AVIL: variants seen among roughly 807,000 people sequenced by gnomAD.
AVIL encodes the protein advillin.
Under a neutral mutation model 109.9 loss-of-function variants are expected in AVIL, and 78 were observed. The observed-to-expected ratio is 0.71, with a 90% CI of 0.59 to 0.86. AVIL has a LOEUF of 0.86. Among genes scored for constraint, AVIL ranks in the 40% least tolerant of loss-of-function variants. The pLI, the probability that AVIL is intolerant of heterozygous loss-of-function variation, is 0.00. For synonymous variants in AVIL, 367 were observed against 379.1 expected, an observed-to-expected ratio of 0.97 and a Z score of 0.37; for missense variants, 892 against 1,016.5, an observed-to-expected ratio of 0.88 and a Z score of 1.67.
At chr12:57,810,762 T>G in intron 6 of AVIL, 54 bp downstream of exon 6, 1 of 1,560,638 alleles carries the variant, frequency 6.4e-7, no homozygotes, top group Non-Finnish European at 8.8e-7. Context: ...AGAGCCAGCA[T>G]GGAGGGAAGA....
chr12:57,808,320 CGAGT>C, intron 10 of AVIL, 26 bp from the exon 11 acceptor site: 1 of 1,614,048 alleles, frequency 6.2e-7, no homozygotes, highest in East Asian at 2.2e-5. Context: ...TGGGAAAAGC[CGAGT>C]GAGTAAGAAG....
chr12:57,808,421 C>G lies in AVIL; in HGVS notation c.1067G>C (p.Gly356Ala), dbSNP rs542383315. 4 of 1,614,144 alleles carry G rather than the reference C, an allele frequency of 2.5e-6. No individual in the cohort carries two copies. In the Admixed American group the frequency reaches 5.0e-5, roughly 20 times the overall value. Reference protein sequence around the residue: ...WSVKDQTMGLGKTFSIGKIAK... With the variant: ...WSVKDQTMGLAKTFSIGKIAK... ...AATTTTACCAATGCTGAACGTTTTC[C>G]CCAGGCCCATGGTCTGGTCCTTTAC... Residue 356 changes from glycine (G) to alanine (A), a missense_variant, in exon 10 of 20, where the codon GGG becomes GCG. Physicochemically the swap from Gly to Ala is moderately conservative, Grantham distance 60. Transcript: ENST00000549994.
chr12:57,803,504 G>A lies in AVIL; in HGVS notation c.1817+20C>T. 6.8e-6 allele frequency: 11 copies of A among 1,614,106 alleles called. No individual in the cohort carries two copies. The highest frequency in any genetic ancestry group is 9.3e-6 in the Non-Finnish European group (11 of 1,179,980). Reference sequence around the variant, plus strand: ...GCAGGCAGGGGGAGCCCAGAAGAGGGGGAGGCTGTGTTCCCATACCTTTTA... The same window carrying A: ...GCAGGCAGGGGGAGCCCAGAAGAGGAGGAGGCTGTGTTCCCATACCTTTTA... On this transcript the variant is annotated intron_variant, in intron 15 of 19. Coordinates refer to ENST00000549994, the MANE Select transcript of AVIL (RefSeq NM_006576.4).
intron 2 of AVIL, chr12:57,814,471 A>G (rs1956076859): frequency 2.0e-6 from 1 of 488,096 alleles, no homozygotes; most frequent in East Asian, 3.6e-5. Context: ...CCCTTGCCCT[A>G]TTCTCCACTC....
intron 11 of AVIL, 155 bp downstream of exon 11, chr12:57,808,039 T>A: frequency 1.1e-6 from 1 of 908,930 alleles, no homozygotes; most frequent in South Asian, 1.4e-5. Flanking sequence ...CCCTGAAAAC[T>A]CTACAGACTC....
intron 13 of AVIL, 143 bp from the exon 14 acceptor site, chr12:57,806,682 A>G (rs1437565572): frequency 9.5e-6 from 8 of 841,260 alleles, no homozygotes; most frequent in Non-Finnish European, 1.5e-5. Context: ...GGTCAGGGTA[A>G]GCTGGAGTTA....
intron 19 of AVIL, among the ~76,000 whole-genome samples, chr12:57,798,334 A>G (rs1955777212): frequency 6.6e-6 from 1 of 152,214 alleles, no homozygotes; most frequent in African/African-American, 2.4e-5. Context: ...AAATTGAGCT[A>G]TGGTTTTCCT....
Position 57,807,573 on chromosome 12 carries a change from G to A in AVIL, c.1332+17C>T. On this transcript the variant is annotated intron_variant, in intron 12 of 19. Coordinates refer to ENST00000549994, the MANE Select transcript of AVIL (RefSeq NM_006576.4). Reference sequence around the variant, plus strand: ...GGACACATCAGGATCCAAAGCTGAAGCCTGTGCCAGGCCTACCTGCCAGAT... The same window carrying A: ...GGACACATCAGGATCCAAAGCTGAAACCTGTGCCAGGCCTACCTGCCAGAT... 6.2e-7 allele frequency: 1 copy of A among 1,614,250 alleles called. No homozygotes were observed. The highest frequency in any genetic ancestry group is 8.5e-7 in the Non-Finnish European group (1 of 1,180,048).
chr12:57,807,925 A>T, intron 11 of AVIL, 198 bp from the exon 12 acceptor site: 1 of 865,054 alleles, frequency 1.2e-6, no homozygotes, highest in Non-Finnish European at 1.9e-6. Context: ...CATCCTGTTC[A>T]GGAGCATCCC....
At position 57,801,155 on chromosome 12, in the gene AVIL, G is replaced by T. The variant is rs780595972; in HGVS notation, c.2209C>A (p.Arg737=). 1.9e-6 allele frequency: 3 copies of T among 1,613,412 alleles called. No individual in the cohort carries two copies. Among genetic ancestry groups the T allele is most frequent in the Non-Finnish European group, 2.5e-6 (3 of 1,179,728 alleles). ...EELGDAAAIM[R]ITADMKNATL... is the part of the protein sequence containing the mutation. ...CGAACCCGACTCACAGCAGTGATTC[G>T]CATGATAGCAGCAGCATCTCCCAGC... Residue 737 remains arginine, a synonymous_variant, in exon 18 of 20, where the codon CGA becomes AGA. Transcript: ENST00000549994.
intron 9 of AVIL, chr12:57,808,812 G>A (rs189556000): frequency 4.5e-6 from 2 of 447,748 alleles, no homozygotes; most frequent in Admixed American, 4.0e-5. Flanking sequence ...TGTTCTTTCA[G>A]TACTTTTGTC....
At chr12:57,801,123 C>G (rs1004093367) in intron 18 of AVIL, 21 bp downstream of exon 18, 1 of 1,610,958 alleles carries the variant, frequency 6.2e-7, no homozygotes, top group African/African-American at 1.3e-5. Flanking sequence ...CTGGCTTCTC[C>G]CAAGAGCGAA....
At chr12:57,803,484 CA>C (rs1565831124) in intron 15 of AVIL, 39 bp downstream of exon 15, 1 of 1,613,746 alleles carries the variant, frequency 6.2e-7, no homozygotes, top group Non-Finnish European at 8.5e-7. Context: ...GCCTGGCAGG[CA>C]GGGGGAGCCC....
Position 57,814,138 on chromosome 12 carries a change from A to G in AVIL, c.141+14T>C, listed in dbSNP as rs748611121. Reference sequence around the variant, plus strand: ...AGGGGAGAGGCTCACAGGAGTGGGGAGGAGGGTGCTCACCGAGAGGATGAC... The same window carrying G: ...AGGGGAGAGGCTCACAGGAGTGGGGGGGAGGGTGCTCACCGAGAGGATGAC... On this transcript the variant is annotated intron_variant, in intron 3 of 19. Transcript: ENST00000549994. The G allele has an allele frequency of 1.2e-6, 2 of 1,611,816 alleles. No individual in the cohort carries two copies. The highest frequency in any genetic ancestry group is 2.7e-5 in the African/African-American group (2 of 74,686).
At position 57,813,232 on chromosome 12, in the gene AVIL, G is replaced by A. The variant is rs1345860173; in HGVS notation, c.333C>T (p.Gly111=). The change falls in exon 4 of 20, where the codon GGC becomes GGT. Residue 111 remains glycine (G), a synonymous_variant. Coordinates refer to ENST00000549994, the MANE Select transcript of AVIL (RefSeq NM_006576.4). The part of the protein sequence containing the change: ...SDTFRGYFKQ[G]IIYKQGGVAS... ...CTCTGTGCACCCCTACTCACATGATGCCCTGCTTGAAGTAGCCACGGAAAG... is the reference window on the plus strand; with the variant it reads ...CTCTGTGCACCCCTACTCACATGATACCCTGCTTGAAGTAGCCACGGAAAG... 5 of 1,611,762 alleles carry A rather than the reference G, an allele frequency of 3.1e-6. No individual in the cohort carries two copies. The Admixed American group carries it at 8.4e-5, about 27-fold the overall frequency.
intron 9 of AVIL, 142 bp from the exon 10 acceptor site, chr12:57,808,690 G>A: frequency 2.9e-6 from 3 of 1,018,160 alleles, no homozygotes; most frequent in Non-Finnish European, 4.2e-6. Context: ...ACTCACTTTT[G>A]TCTAAGGACC....
Position 57,802,362 on chromosome 12 carries a change from G to A in AVIL, c.1963-14C>T. ...CCACAAGAACACCTGTTAAGGTGGA[G>A]ATTTAATATATGTTACTGTGTTCAT... is the stretch of plus-strand genomic sequence containing the variant. On this transcript the variant is annotated splice_polypyrimidine_tract_variant and intron_variant, in intron 16 of 19. Coordinates refer to ENST00000549994, the MANE Select transcript of AVIL (RefSeq NM_006576.4). The A allele has an allele frequency of 6.3e-7, 1 of 1,598,366 alleles. No homozygotes were observed. The highest frequency in any genetic ancestry group is 1.1e-5 in the South Asian group (1 of 89,108).
At chr12:57,804,396 G>A (rs887647959) in intron 14 of AVIL, 23 of 152,188 alleles carry the variant, frequency 1.5e-4, no homozygotes, top group African/African-American at 5.6e-4. Flanking sequence ...TTCTGATTAT[G>A]AATAAAGGTG....
In AVIL at chr12:57,803,644, A is replaced by C; in HGVS notation, c.1697T>G (p.Met566Arg). The change falls in exon 15 of 20, where the codon ATG becomes AGG. Residue 566 changes from methionine (M) to arginine (R), a missense_variant. Coordinates refer to ENST00000549994, the MANE Select transcript of AVIL (RefSeq NM_006576.4). The part of the protein sequence containing the change: ...GKGSSGDERA[M>R]AKELASLLCD... ...GAGAAGGCTGGCCAGCTCCTTAGCCATTGCCCGCTCATCCCCACTAGACCC... is the reference window on the plus strand; with the variant it reads ...GAGAAGGCTGGCCAGCTCCTTAGCCCTTGCCCGCTCATCCCCACTAGACCC... The C allele has an allele frequency of 6.2e-7, 1 of 1,614,118 alleles. No individual in the cohort carries two copies. Among genetic ancestry groups the C allele is most frequent in the Non-Finnish European group, 8.5e-7 (1 of 1,180,020 alleles).
Sources: allele counts gnomAD v4.1 joint callset (sites outside exome capture counted in the v4.1 genomes callset), GRCh38; gene constraint gnomAD v4.1.1; transcripts MANE v1.5; gene names NCBI Gene and HGNC (gene_info 2026-07-23, HGNC 2026-07-21).